SAMD12: variants seen among roughly 807,000 people sequenced by gnomAD.
SAMD12 encodes sterile alpha motif domain containing 12.
Under a neutral mutation model 15.0 loss-of-function variants are expected in SAMD12, and 9 were observed. That is an observed-to-expected ratio of 0.60 (90% confidence interval 0.36 to 1.05). The LOEUF is 1.05. SAMD12 is among the 50% of genes least tolerant of loss of function. The probability of loss-of-function intolerance (pLI) is 0.01; values close to 1 mark genes in which losing one functional copy is unlikely to be tolerated. For synonymous variants in SAMD12, 86 were observed against 90.1 expected (o/e 0.96, Z 0.25); for missense variants, 230 against 234.2 (o/e 0.98, Z 0.12).
chr8:118,447,676 CATTTT>C (rs1276815581), intron 2 of SAMD12, among the ~76,000 whole-genome samples: 4 of 149,390 alleles, frequency 2.7e-5, no homozygotes, highest in African/African-American at 7.5e-5. Flanking sequence ...TGTCATCTTT[CATTTT>C]ATTTTTTTAT....
At chr8:118,541,655 T>C (rs1304886211) in intron 2 of SAMD12, among the ~76,000 whole-genome samples, 1 of 152,310 alleles carries the variant, frequency 6.6e-6, no homozygotes, top group African/African-American at 2.4e-5. Context: ...TTCTAAGTTA[T>C]TACCATGTAA....
chr8:118,256,790 A>ACC (rs1203167598), intron 4 of SAMD12, among the ~76,000 whole-genome samples: 1 of 147,928 alleles, frequency 6.8e-6, no homozygotes, highest in Non-Finnish European at 1.5e-5. Context: ...ACACACACAC[A>ACC]CACACACACA....
intron 2 of SAMD12, among the ~76,000 whole-genome samples, chr8:118,573,479 T>G (rs1827074837): frequency 6.6e-6 from 1 of 152,194 alleles, no homozygotes. Flanking sequence ...GGTATTTGTT[T>G]TTTGGTCTTT....
At chr8:118,358,877 T>C (rs922343740) in intron 4 of SAMD12, among the ~76,000 whole-genome samples, 1 of 152,180 alleles carries the variant, frequency 6.6e-6, no homozygotes, top group Non-Finnish European at 1.5e-5. Context: ...AGAATGGTGG[T>C]ATTCAGAGAA....
chr8:118,452,408 T>C (rs1037364110), intron 2 of SAMD12, among the ~76,000 whole-genome samples: 1 of 152,200 alleles, frequency 6.6e-6, no homozygotes, highest in Non-Finnish European at 1.5e-5. Context: ...TTATAATAGA[T>C]TTTTTACTTT....
chr8:118,345,623 A>G (rs1817597994), intron 4 of SAMD12, among the ~76,000 whole-genome samples: 1 of 152,210 alleles, frequency 6.6e-6, no homozygotes. Context: ...GACAGTGAGG[A>G]AGACAAACTG....
intron 2 of SAMD12, among the ~76,000 whole-genome samples, chr8:118,471,247 C>T (rs1179577665): frequency 3.3e-5 from 5 of 151,838 alleles, no homozygotes; most frequent in Non-Finnish European, 7.4e-5. Flanking sequence ...TGACCTTTTC[C>T]TTATTATGAG....
At chr8:118,580,130 A>G (rs1827251286) in intron 2 of SAMD12, among the ~76,000 whole-genome samples, 1 of 152,168 alleles carries the variant, frequency 6.6e-6, no homozygotes, top group Non-Finnish European at 1.5e-5. Context: ...ACTATTGTCT[A>G]CCTCACAAGA....
intron 4 of SAMD12, among the ~76,000 whole-genome samples, chr8:118,291,600 G>A (rs1814369122): frequency 6.6e-6 from 1 of 152,064 alleles, no homozygotes; most frequent in Admixed American, 6.5e-5. Flanking sequence ...GTTTCTGCCA[G>A]TCCTCAGCTC....
chr8:118,163,576 C>T, the SAMD12 span, among the ~76,000 whole-genome samples: 1 of 151,990 alleles, frequency 6.6e-6, no homozygotes, highest in African/African-American at 2.4e-5. Flanking sequence ...GAGGTTAGAG[C>T]AAAACCTGGG....
chr8:118,402,118 G>C (rs1820897992), intron 3 of SAMD12, among the ~76,000 whole-genome samples: 1 of 152,136 alleles, frequency 6.6e-6, no homozygotes, highest in East Asian at 1.9e-4. Flanking sequence ...ATTGAACTTA[G>C]GGAAGTTAGA....
At position 118,372,174 on chromosome 8, in the gene SAMD12, G is replaced by A. The variant is rs1385298976; in HGVS notation, c.433+7386C>T. Among the ~76,000 whole-genome samples, 5 of 152,266 alleles carry A rather than the reference G, an allele frequency of 3.3e-5. No homozygotes were observed. In the East Asian group the frequency reaches 7.7e-4, roughly 24 times the overall value. On this transcript the variant is annotated intron_variant, in intron 4 of 4. Coordinates refer to the SAMD12 transcript ENST00000409003. ...CATATGCATAAAAAGGAATCTGACT[G>A]GCTCATGTTTTCTTTCTCAGGAGCA... is the stretch of plus-strand genomic sequence containing the variant.
At chr8:118,344,868 A>G (rs558271913) in intron 4 of SAMD12, among the ~76,000 whole-genome samples, 3 of 152,340 alleles carry the variant, frequency 2.0e-5, no homozygotes, top group Non-Finnish European at 4.4e-5. Flanking sequence ...TAAGATTATG[A>G]TGGAGCTGAA....
At chr8:118,254,735 A>G (rs543887616) in intron 4 of SAMD12, among the ~76,000 whole-genome samples, 2 of 151,962 alleles carry the variant, frequency 1.3e-5, no homozygotes, top group African/African-American at 4.8e-5. Flanking sequence ...GCTTTCCACC[A>G]TTCAGGTCAG....
intron 2 of SAMD12, among the ~76,000 whole-genome samples, chr8:118,508,703 C>T (rs1824992914): frequency 6.6e-6 from 1 of 152,164 alleles, no homozygotes; most frequent in Non-Finnish European, 1.5e-5. Flanking sequence ...GTTTTGGGCA[C>T]ACAGCAAGAG....
chr8:118,438,627 C>T (rs1822645028), intron 3 of SAMD12, among the ~76,000 whole-genome samples: 1 of 151,936 alleles, frequency 6.6e-6, no homozygotes, highest in African/African-American at 2.4e-5. Flanking sequence ...ACTGACCTGC[C>T]CCAGATCTCA....
chr8:118,207,623 T>A (rs181224954), intron 4 of SAMD12, among the ~76,000 whole-genome samples: 1 of 152,220 alleles, frequency 6.6e-6, no homozygotes, highest in Admixed American at 6.5e-5. Context: ...CTACACCCCA[T>A]CTCTCTTAGT....
chr8:118,440,697 A>C (rs6989990), intron 2 of SAMD12, among the ~76,000 whole-genome samples: 237 of 52,330 alleles, frequency 4.5e-3, no homozygotes, highest in East Asian at 9.6e-3. Context: ...CACACACACA[A>C]ACACACACAC....
chr8:118,337,037 G>T (rs1471638385), intron 4 of SAMD12, among the ~76,000 whole-genome samples: 3 of 152,094 alleles, frequency 2.0e-5, no homozygotes, highest in African/African-American at 7.2e-5. Flanking sequence ...GGGAGGGATA[G>T]CATTAGGAAA....
Sources: gnomAD v4.1 joint callset for allele counts (sites outside exome capture counted in the v4.1 genomes callset) on GRCh38, gnomAD v4.1.1 for gene constraint, MANE v1.5 for transcripts, NCBI Gene and HGNC (gene_info 2026-07-23, HGNC 2026-07-21) for gene names.